The following GRAMD1B variants were observed in gnomAD, a reference collection of about 807,000 sequenced individuals.
GRAMD1B encodes protein Aster-B.
A neutral mutation model predicts 99.7 loss-of-function variants in GRAMD1B; 37 were observed. That is an observed-to-expected ratio of 0.37 (90% CI 0.29 to 0.49). GRAMD1B has a LOEUF of 0.49. GRAMD1B is among the 20% of genes least tolerant of loss of function. The pLI is 0.98. For missense variants in GRAMD1B, 888 were observed against 1,009.2 expected, an observed-to-expected ratio of 0.88 and a Z score of 1.63; for synonymous variants, 427 against 387.6, an observed-to-expected ratio of 1.10 and a Z score of -1.19.
At chr11:123,494,365 C>T (rs1411629130) in intron 2 of GRAMD1B, among the ~76,000 whole-genome samples, 1 of 151,880 alleles carries the variant, frequency 6.6e-6, no homozygotes, top group Admixed American at 6.6e-5. Context: ...CTCTGATCCA[C>T]CTGCACATAT....
At chr11:123,620,189 A>T (rs898166021) in intron 19 of GRAMD1B, among the ~76,000 whole-genome samples, 4 of 152,178 alleles carry the variant, frequency 2.6e-5, no homozygotes, top group Non-Finnish European at 2.9e-5. Flanking sequence ...GTAAGGAAAA[A>T]GAGGCCGGGT....
Position 123,513,937 on chromosome 11 carries a change from T to C in GRAMD1B, c.452+33044T>C, listed in dbSNP as rs538071271. On this transcript the variant is annotated intron_variant, in intron 2 of 19. Transcript: ENST00000635736. ...TCCCACAGTGCTGGGATTATAGGCT[T>C]GAGCCACTGTGCTGGCAAGAGTTTT... 1.2e-4 allele frequency among the ~76,000 whole-genome samples: 19 copies of C among 152,270 alleles called. No homozygotes were observed. In the South Asian group the frequency reaches 3.9e-3, roughly 32 times the overall value.
chr11:123,365,104 C>A (rs1946274322), intron 1 of GRAMD1B, among the ~76,000 whole-genome samples: 1 of 152,034 alleles, frequency 6.6e-6, no homozygotes, highest in Admixed American at 6.5e-5. Context: ...ATTATTATTA[C>A]CCATGTTATA....
chr11:123,428,008 CCCTT>C (rs1948712812), upstream of GRAMD1B, among the ~76,000 whole-genome samples: 1 of 152,162 alleles, frequency 6.6e-6, no homozygotes, highest in Non-Finnish European at 1.5e-5. Context: ...AAAGCTTCCT[CCCTT>C]GTTTCTTCTC....
intron 2 of GRAMD1B, among the ~76,000 whole-genome samples, chr11:123,540,749 A>G (rs2135698991): frequency 6.6e-6 from 1 of 152,262 alleles, no homozygotes; most frequent in East Asian, 1.9e-4. Context: ...TATATATTAT[A>G]GATAGATACA....
At position 123,610,457 on chromosome 11, in the gene GRAMD1B, C is replaced by T; in HGVS notation, c.1919+119C>T. 2 of 959,970 alleles carry T rather than the reference C, an allele frequency of 2.1e-6. No homozygotes were observed. Among genetic ancestry groups the T allele is most frequent in the African/African-American group, 1.6e-5 (1 of 62,628 alleles). The allele number at this position is 959,970 out of a possible 1,614,324, so 59.5% of individuals were successfully genotyped here. Reference sequence around the variant, plus strand: ...TGCTTGGCTGCTGACTCTCTTTATTCTACTTTCTCTCCGAAGCCTTATGAG... The same window carrying T: ...TGCTTGGCTGCTGACTCTCTTTATTTTACTTTCTCTCCGAAGCCTTATGAG... On this transcript the variant is annotated intron_variant, in intron 14 of 19. Transcript: ENST00000635736. This position sits in a 1 kb window ranked among gnomAD's most constrained non-coding sequence, Gnocchi z 4.1.
intron 15 of GRAMD1B, chr11:123,613,189 C>G: frequency 1.8e-6 from 1 of 560,168 alleles, no homozygotes; most frequent in Non-Finnish European, 3.2e-6. Flanking sequence ...GTGAATGCAT[C>G]TATTTAAGAC....
chr11:123,436,381 G>A (rs542227062), intron 1 of GRAMD1B, among the ~76,000 whole-genome samples: 1 of 152,330 alleles, frequency 6.6e-6, no homozygotes, highest in South Asian at 2.1e-4. Flanking sequence ...GTGTTGGCTT[G>A]AAGATAGAGA....
chr11:123,529,199 G>C (rs770667889), intron 2 of GRAMD1B, among the ~76,000 whole-genome samples: 2 of 152,234 alleles, frequency 1.3e-5, no homozygotes, highest in Non-Finnish European at 2.9e-5. Flanking sequence ...AAGTCAGTAA[G>C]TGTTAAGGGA....
At chr11:123,546,772 A>G (rs991836939) in intron 2 of GRAMD1B, among the ~76,000 whole-genome samples, 1 of 152,232 alleles carries the variant, frequency 6.6e-6, no homozygotes, top group African/African-American at 2.4e-5. Flanking sequence ...GATGTTTTCC[A>G]TCTTGACTAC....
chr11:123,400,730 C>T (rs887692816), intron 1 of GRAMD1B, among the ~76,000 whole-genome samples: 3 of 152,236 alleles, frequency 2.0e-5, no homozygotes, highest in East Asian at 1.9e-4. Context: ...CTAATTCCAT[C>T]GTACTGGGGG....
intron 2 of GRAMD1B, among the ~76,000 whole-genome samples, chr11:123,558,511 A>G (rs1232635110): frequency 6.6e-6 from 1 of 152,160 alleles, no homozygotes; most frequent in African/African-American, 2.4e-5. Flanking sequence ...CAACAGTACA[A>G]AGGAGGAAAT....
At chr11:123,560,252 G>A in intron 2 of GRAMD1B, 3 of 1,082,788 alleles carry the variant, frequency 2.8e-6, no homozygotes, top group Non-Finnish European at 3.4e-6. Context: ...GCCTGTGCGC[G>A]TGCGTGCCTG....
At chr11:123,404,951 T>G (rs1264456945) in intron 1 of GRAMD1B, among the ~76,000 whole-genome samples, 2 of 152,240 alleles carry the variant, frequency 1.3e-5, no homozygotes, top group Non-Finnish European at 2.9e-5. Context: ...CAAAGCACTC[T>G]CTTGCCAAAT....
At chr11:123,402,270 C>A (rs1460261730) in intron 1 of GRAMD1B, among the ~76,000 whole-genome samples, 1 of 152,168 alleles carries the variant, frequency 6.6e-6, no homozygotes, top group Admixed American at 6.5e-5. Flanking sequence ...CCCGCCTCGG[C>A]CTCCCCAAAG....
At position 123,587,012 on chromosome 11, in the gene GRAMD1B, G is replaced by A. The variant is rs772214428; in HGVS notation, c.684+2680G>A. The stretch of plus-strand genomic sequence containing the variant: ...GTGAGGGCCAGTGCCCTGCAGAATC[G>A]CTGATAGTGGCAAGAGCATTCAGGC... On this transcript the variant is annotated intron_variant, in intron 4 of 19. Coordinates refer to ENST00000635736, the MANE Select transcript of GRAMD1B (RefSeq NM_001387025.1). This position sits in a 1 kb window ranked among gnomAD's most constrained non-coding sequence, Gnocchi z 4.2. Among the ~76,000 whole-genome samples, 21 of 152,200 alleles carry A rather than the reference G, an allele frequency of 1.4e-4. No individual in the cohort carries two copies. The highest frequency in any genetic ancestry group is 2.2e-4 in the Non-Finnish European group (15 of 68,020).
chr11:123,572,907 C>G (rs886973063), intron 2 of GRAMD1B, among the ~76,000 whole-genome samples: 3 of 148,892 alleles, frequency 2.0e-5, no homozygotes, highest in Admixed American at 6.7e-5. Context: ...AGGTAGACCC[C>G]GATGGCTGAG....
chr11:123,363,160 C>T (rs1237655685), intron 1 of GRAMD1B, among the ~76,000 whole-genome samples: 1 of 152,208 alleles, frequency 6.6e-6, no homozygotes, highest in Non-Finnish European at 1.5e-5. Flanking sequence ...AGCGAGCCAG[C>T]AGAACAGCGT....
chr11:123,481,190 C>T (rs1160952690), intron 2 of GRAMD1B, among the ~76,000 whole-genome samples: 1 of 152,132 alleles, frequency 6.6e-6, no homozygotes, highest in African/African-American at 2.4e-5. Flanking sequence ...CTTGGTGGCT[C>T]ACACCGGCAA....
Sources: gnomAD v4.1 joint callset for allele counts (sites outside exome capture counted in the v4.1 genomes callset) on GRCh38, gnomAD v4.1.1 for gene constraint, Gnocchi (gnomAD v3.1) non-coding constraint, MANE v1.5 for transcripts, NCBI Gene and HGNC (gene_info 2026-07-23, HGNC 2026-07-21) for gene names.